The following LRFN2 variants were observed in gnomAD, a reference collection of about 807,000 sequenced individuals.
LRFN2 encodes the protein leucine rich repeat and fibronectin type III domain containing 2.
Under a neutral mutation model 37.3 loss-of-function variants are expected in LRFN2, and 18 were observed. That is an observed-to-expected ratio of 0.48 (90% CI 0.33 to 0.72). LRFN2 has a LOEUF of 0.72. Among genes scored for constraint, LRFN2 ranks in the 30% least tolerant of loss-of-function variants. The probability of loss-of-function intolerance (pLI) is 0.02; values close to 1 mark genes in which losing one functional copy is unlikely to be tolerated. For missense variants in LRFN2, 1,006 were observed against 1,060.7 expected (o/e 0.95, Z 0.72); for synonymous variants, 556 against 466.6 (o/e 1.19, Z -2.47).
chr6:40,529,660 C>A (rs923153930), intron 1 of LRFN2, among the ~76,000 whole-genome samples: 9 of 152,204 alleles, frequency 5.9e-5, no homozygotes, highest in African/African-American at 2.2e-4. Flanking sequence ...CATTTCATTG[C>A]AGACACTTGG....
intron 1 of LRFN2, among the ~76,000 whole-genome samples, chr6:40,568,143 C>A (rs960006754): frequency 1.3e-5 from 2 of 152,230 alleles, no homozygotes; most frequent in East Asian, 3.9e-4. Context: ...TGTCTTCCTC[C>A]TAAGAGAAAT....
At chr6:40,488,043 G>A (rs1440315202) in intron 1 of LRFN2, among the ~76,000 whole-genome samples, 3 of 152,096 alleles carry the variant, frequency 2.0e-5, no homozygotes, top group South Asian at 2.1e-4. Flanking sequence ...GCCACGGGTC[G>A]AAAAGGAGAG....
Position 40,392,615 on chromosome 6 carries a change from G to T in LRFN2, c.1698C>A (p.Ser566Arg), listed in dbSNP as rs747030516. ...CATTGCTCACGGCCGCTGCCATCTT[G>T]CTGGGGGCCTCGTGGTTGCAGACCT... ...RYKVCNHEAP[S>R]KMAAAVSNVY... The change falls in exon 3 of 3, where the codon AGC becomes AGA. Residue 566 changes from serine to arginine, a missense_variant. This residue lies in a region of LRFN2 where 398 missense variants were observed against 327.6 expected (regional missense o/e 1.21). Transcript: ENST00000338305. The surrounding 1 kb of genome is among the most constrained non-coding windows in gnomAD (Gnocchi z 4.7). 1 of 1,610,574 alleles carries T rather than the reference G, an allele frequency of 6.2e-7. No individual in the cohort carries two copies. Among genetic ancestry groups the T allele is most frequent in the Admixed American group, 1.7e-5 (1 of 60,032 alleles).
chr6:40,492,357 C>T (rs566134764), intron 1 of LRFN2, among the ~76,000 whole-genome samples: 4 of 152,298 alleles, frequency 2.6e-5, no homozygotes, highest in African/African-American at 9.6e-5. Flanking sequence ...CCACAGCTCC[C>T]CCTGCTCCCC....
At chr6:40,543,180 T>G (rs1278752255) in intron 1 of LRFN2, among the ~76,000 whole-genome samples, 1 of 152,236 alleles carries the variant, frequency 6.6e-6, no homozygotes, top group East Asian at 1.9e-4. Flanking sequence ...CTGCAATGCA[T>G]GAACGCCTTC....
intron 1 of LRFN2, among the ~76,000 whole-genome samples, chr6:40,585,407 G>A (rs890557615): frequency 2.0e-5 from 3 of 152,058 alleles, no homozygotes; most frequent in Admixed American, 6.6e-5. Flanking sequence ...CATGGTCGGC[G>A]GAGGATGACG....
intron 2 of LRFN2, among the ~76,000 whole-genome samples, chr6:40,427,668 A>G (rs1763387015): frequency 6.6e-6 from 1 of 152,228 alleles, no homozygotes; most frequent in African/African-American, 2.4e-5. Flanking sequence ...CTACCTACTG[A>G]GAAAGTCTTT....
At position 40,458,768 on chromosome 6, in the gene LRFN2, T is replaced by G. The variant is rs182076008; in HGVS notation, c.-18-25637A>C. ...TGTTCTTCTTGGCTTCTCTTTCCAA[T>G]TCCCAGGAGCTGGGTAGTTGCCAGC... On this transcript the variant is annotated intron_variant, in intron 1 of 2. Coordinates refer to ENST00000338305, the MANE Select transcript of LRFN2 (RefSeq NM_020737.3). 2.6e-5 allele frequency among the ~76,000 whole-genome samples: 4 copies of G among 152,280 alleles called. No homozygotes were observed. The East Asian group carries it at 7.7e-4, about 29-fold the overall frequency.
chr6:40,518,845 G>T (rs548109517), intron 1 of LRFN2, among the ~76,000 whole-genome samples: 1 of 152,320 alleles, frequency 6.6e-6, no homozygotes, highest in African/African-American at 2.4e-5. Flanking sequence ...CAAGAGAAGT[G>T]ATGCTTGAAC....
intron 1 of LRFN2, among the ~76,000 whole-genome samples, chr6:40,467,874 C>T (rs1425457147): frequency 6.6e-6 from 1 of 152,020 alleles, no homozygotes; most frequent in Non-Finnish European, 1.5e-5. Flanking sequence ...ACAGAGGAGC[C>T]AAATATGACT....
chr6:40,535,019 C>T (rs2113912023), intron 1 of LRFN2, among the ~76,000 whole-genome samples: 1 of 152,298 alleles, frequency 6.6e-6, no homozygotes, highest in South Asian at 2.1e-4. Context: ...ATCTTTCTGA[C>T]TACAAAGCCC....
intron 1 of LRFN2, among the ~76,000 whole-genome samples, chr6:40,442,066 C>T (rs547127883): frequency 3.3e-5 from 5 of 152,294 alleles, no homozygotes; most frequent in African/African-American, 1.2e-4. Flanking sequence ...ACCCCTTACT[C>T]CCTCCTGCTC....
At chr6:40,586,000 C>T (rs1767495533) in intron 1 of LRFN2, among the ~76,000 whole-genome samples, 1 of 152,178 alleles carries the variant, frequency 6.6e-6, no homozygotes, top group African/African-American at 2.4e-5. Flanking sequence ...TGTCTGCTGT[C>T]GCCGGGTGCA....
chr6:40,449,858 C>T (rs1478802478), intron 1 of LRFN2, among the ~76,000 whole-genome samples: 1 of 152,162 alleles, frequency 6.6e-6, no homozygotes, highest in Non-Finnish European at 1.5e-5. Flanking sequence ...TAGACCTTAT[C>T]TCTGTATTTG....
chr6:40,471,068 G>T (rs1561868928), intron 1 of LRFN2, among the ~76,000 whole-genome samples: 1 of 152,150 alleles, frequency 6.6e-6, no homozygotes, highest in Non-Finnish European at 1.5e-5. Context: ...GGCGTGGGGG[G>T]CAGTGGCTGA....
intron 1 of LRFN2, among the ~76,000 whole-genome samples, chr6:40,478,971 A>G (rs921389540): frequency 2.0e-5 from 3 of 152,212 alleles, no homozygotes; most frequent in Admixed American, 6.5e-5. Flanking sequence ...GAAATGTACA[A>G]AATTATACTC....
At chr6:40,549,812 C>T (rs1461196969) in intron 1 of LRFN2, among the ~76,000 whole-genome samples, 5 of 151,940 alleles carry the variant, frequency 3.3e-5, no homozygotes, top group African/African-American at 7.2e-5. Context: ...CCGAGGCAGG[C>T]GGATCACCTG....
intron 1 of LRFN2, among the ~76,000 whole-genome samples, chr6:40,517,936 G>A (rs1433057249): frequency 1.3e-5 from 2 of 152,138 alleles, no homozygotes; most frequent in Non-Finnish European, 2.9e-5. Flanking sequence ...GATCAGGCCT[G>A]TTTTCCTCCT....
intron 1 of LRFN2, among the ~76,000 whole-genome samples, chr6:40,552,806 C>A (rs752927921): frequency 7.9e-5 from 12 of 152,114 alleles, no homozygotes; most frequent in African/African-American, 2.9e-4. Flanking sequence ...CATATTCCTG[C>A]CAATCTTTGT....
Sources: gnomAD v4.1 joint callset for allele counts (sites outside exome capture counted in the v4.1 genomes callset) on GRCh38, gnomAD v4.1.1 for gene constraint, gnomAD v4.1.1 regional missense constraint, Gnocchi (gnomAD v3.1) non-coding constraint, MANE v1.5 for transcripts, NCBI Gene and HGNC (gene_info 2026-07-23, HGNC 2026-07-21) for gene names.